The following MIER1 variants were observed in gnomAD, a reference collection of about 807,000 sequenced individuals.
MIER1 encodes the protein mesoderm induction early response protein 1.
Under a neutral mutation model 75.7 loss-of-function variants are expected in MIER1, and 40 were observed. That is an observed-to-expected ratio of 0.53 (90% CI 0.41 to 0.69). The LOEUF (loss-of-function observed/expected upper bound fraction) is 0.69, where lower values mean the gene tolerates loss of function less well. MIER1 is among the 30% of genes least tolerant of loss of function. MIER1 has a pLI of 0.00. For synonymous variants in MIER1, 213 were observed against 223.4 expected (o/e 0.95, Z 0.42); for missense variants, 574 against 680.2 (o/e 0.84, Z 1.74).
intron 6 of MIER1, 69 bp downstream of exon 6, chr1:66,959,052 T>A: frequency 7.8e-7 from 1 of 1,275,852 alleles, no homozygotes; most frequent in South Asian, 1.3e-5. Context: ...AAAATCCTCT[T>A]TTTTAAACTG....
In MIER1 at chr1:66,972,999, A is replaced by G. The variant is rs902672039; in HGVS notation, c.1101+8A>G. The G allele has an allele frequency of 5.3e-6, 8 of 1,516,470 alleles. No homozygotes were observed. Among genetic ancestry groups the G allele is most frequent in the Non-Finnish European group, 7.3e-6 (8 of 1,094,582 alleles). The allele number at this position is 1,516,470 out of a possible 1,614,324, so 93.9% of individuals were successfully genotyped here. On this transcript the variant is annotated splice_region_variant and intron_variant, in intron 11 of 13. Transcript: ENST00000401041. Reference sequence around the variant, plus strand: ...TTGATTCAGGCTAATAAAGTAAGTAATGATAATCTCTTTTTTGCAAAAAGA... The same window carrying G: ...TTGATTCAGGCTAATAAAGTAAGTAGTGATAATCTCTTTTTTGCAAAAAGA...
chr1:66,973,087 G>T, intron 11 of MIER1, 96 bp downstream of exon 11: 3 of 648,356 alleles, frequency 4.6e-6, no homozygotes, highest in Non-Finnish European at 8.0e-6. Flanking sequence ...AGTGTTAAAG[G>T]TTTCATAATT....
chr1:66,946,902 T>G (rs1657776936), intron 4 of MIER1: 40 of 985,202 alleles, frequency 4.1e-5, no homozygotes, highest in Non-Finnish European at 4.8e-5. Flanking sequence ...CTTTATCTTT[T>G]TGTTTCTATT....
At chr1:66,937,548 G>A (rs1655205381) in intron 2 of MIER1, among the ~76,000 whole-genome samples, 1 of 151,696 alleles carries the variant, frequency 6.6e-6, no homozygotes, top group Non-Finnish European at 1.5e-5. Context: ...TCATGCCACT[G>A]CACTTCTGCC....
At chr1:66,940,708 T>G (rs1349006651) in intron 3 of MIER1, among the ~76,000 whole-genome samples, 3 of 152,192 alleles carry the variant, frequency 2.0e-5, no homozygotes, top group Non-Finnish European at 2.9e-5. Context: ...TGTAGTGATC[T>G]TTAAGAATAT....
intron 11 of MIER1, among the ~76,000 whole-genome samples, chr1:66,974,000 ATAT>A (rs1157818880): frequency 6.6e-5 from 10 of 151,950 alleles, no homozygotes; most frequent in Non-Finnish European, 1.2e-4. Context: ...TTTTTGACAC[ATAT>A]TTAATATTTT....
rs1050881417 is a variant in MIER1, at chr1:66,954,763, G to A, written c.340-3296G>A. On this transcript the variant is annotated intron_variant, in intron 4 of 13. Coordinates refer to ENST00000401041, the MANE Select transcript of MIER1 (RefSeq NM_001077700.3). ...ACTCTGTCACCCAGGCTGGAGTGCA[G>A]TGGCATGATCTCAGCTCACTGCAAC... Among the ~76,000 whole-genome samples, 2 of 151,456 alleles carry A rather than the reference G, an allele frequency of 1.3e-5. 1 individual carries two copies. The highest frequency in any genetic ancestry group is 4.2e-4 in the South Asian group (2 of 4,788).
At chr1:66,939,977 A>G (rs1655800526) in intron 2 of MIER1, 51 bp from the exon 3 acceptor site, 1 of 1,429,360 alleles carries the variant, frequency 7.0e-7, no homozygotes, top group African/African-American at 1.4e-5. Flanking sequence ...AATGTTTGTG[A>G]AGATACATTA....
intron 4 of MIER1, among the ~76,000 whole-genome samples, chr1:66,951,334 GC>G (rs1658892262): frequency 6.6e-6 from 1 of 151,990 alleles, no homozygotes; most frequent in Non-Finnish European, 1.5e-5. Context: ...TTGCTCTGTT[GC>G]CCAGGCTGGT....
At chr1:66,980,734 C>T (rs1665715062) in intron 12 of MIER1, among the ~76,000 whole-genome samples, 2 of 151,508 alleles carry the variant, frequency 1.3e-5, no homozygotes, top group South Asian at 4.2e-4. Flanking sequence ...AACTTAGGTA[C>T]CAGTGGTGCA....
chr1:66,935,877 C>G (rs190907935), intron 2 of MIER1, among the ~76,000 whole-genome samples: 4 of 152,192 alleles, frequency 2.6e-5, no homozygotes, highest in African/African-American at 9.6e-5. Flanking sequence ...TCATAGTGTT[C>G]TATTGTTTGG....
intron 3 of MIER1, among the ~76,000 whole-genome samples, chr1:66,943,680 A>G (rs1223709377): frequency 2.0e-5 from 3 of 152,086 alleles, no homozygotes; most frequent in Non-Finnish European, 4.4e-5. Context: ...TTGGCCTCCT[A>G]AAGTGCTGGG....
chr1:66,926,761 C>T (rs1651901181), intron 2 of MIER1, among the ~76,000 whole-genome samples: 5 of 152,040 alleles, frequency 3.3e-5, no homozygotes, highest in South Asian at 2.1e-4. Context: ...GACTCATGGA[C>T]GCTGAAAATT....
chr1:66,959,588 T>C (rs879730140), intron 6 of MIER1, 91 bp from the exon 7 acceptor site: 56 of 645,806 alleles, frequency 8.7e-5, no homozygotes, highest in Non-Finnish European at 1.3e-4. Context: ...TTTGAGCATA[T>C]CCAAATATTT....
At chr1:66,951,691 C>T (rs550371604) in intron 4 of MIER1, among the ~76,000 whole-genome samples, 6 of 152,140 alleles carry the variant, frequency 3.9e-5, no homozygotes, top group African/African-American at 1.2e-4. Context: ...GCCTTTCTCT[C>T]GCCTCAGCCT....
chr1:66,976,040 T>C (rs1664651890), intron 11 of MIER1, among the ~76,000 whole-genome samples: 1 of 151,838 alleles, frequency 6.6e-6, no homozygotes, highest in Non-Finnish European at 1.5e-5. Context: ...CAGGTGGGAG[T>C]GCAGTGGTGT....
chr1:66,962,058 C>G (rs971557212), intron 7 of MIER1, among the ~76,000 whole-genome samples: 1 of 152,090 alleles, frequency 6.6e-6, no homozygotes, highest in Non-Finnish European at 1.5e-5. Context: ...CTTTCATGCC[C>G]AATTTTGAAA....
At chr1:66,935,229 TATAAA>T (rs1156284681) in intron 2 of MIER1, among the ~76,000 whole-genome samples, 1 of 152,148 alleles carries the variant, frequency 6.6e-6, no homozygotes. Flanking sequence ...TCTAGAAAAA[TATAAA>T]AGAGAATTAT....
chr1:66,953,953 TG>T (rs1659563314), intron 4 of MIER1, among the ~76,000 whole-genome samples: 1 of 152,140 alleles, frequency 6.6e-6, no homozygotes, highest in Non-Finnish European at 1.5e-5. Flanking sequence ...TTTTTCCATG[TG>T]ATAAAGCCCA....
Sources: gnomAD v4.1 joint callset for allele counts (sites outside exome capture counted in the v4.1 genomes callset) on GRCh38, gnomAD v4.1.1 for gene constraint, MANE v1.5 for transcripts, NCBI Gene and HGNC (gene_info 2026-07-23, HGNC 2026-07-21) for gene names.